LAMA2: variants seen among roughly 807,000 people sequenced by gnomAD.
The protein encoded by LAMA2 is laminin subunit alpha 2, also known as laminin subunit alpha-2.
LAMA2 carries 269 observed loss-of-function variants against 364.8 expected under a neutral mutation model. The ratio of observed to expected loss-of-function variants is 0.74; its 90% CI spans 0.67 to 0.82. The LOEUF (loss-of-function observed/expected upper bound fraction) is 0.82, where lower values mean the gene tolerates loss of function less well. Among genes scored for constraint, LAMA2 ranks in the 40% least tolerant of loss-of-function variants. The pLI, the probability that LAMA2 is intolerant of heterozygous loss-of-function variation, is 0.00. For synonymous variants in LAMA2, 1,379 were observed against 1,370.6 expected (o/e 1.01, Z -0.14); for missense variants, 3,807 against 3,873.2 (o/e 0.98, Z 0.45).
chr6:129,068,682 C>A (rs1773098792), intron 3 of LAMA2, among the ~76,000 whole-genome samples: 1 of 152,146 alleles, frequency 6.6e-6, no homozygotes, highest in South Asian at 2.1e-4. Flanking sequence ...AATTTTCTTC[C>A]AGTTCCTATG....
chr6:129,225,169 C>G (rs531432262), intron 12 of LAMA2, among the ~76,000 whole-genome samples: 9 of 152,192 alleles, frequency 5.9e-5, no homozygotes, highest in African/African-American at 1.9e-4. Context: ...TCTGTGGGAT[C>G]GGTGGTGATA....
At chr6:129,210,990 T>C (rs1310273351) in intron 12 of LAMA2, among the ~76,000 whole-genome samples, 3 of 152,168 alleles carry the variant, frequency 2.0e-5, no homozygotes, top group Admixed American at 1.3e-4. Context: ...ACCTACATTA[T>C]GTCCCCACGG....
intron 4 of LAMA2, among the ~76,000 whole-genome samples, chr6:129,104,240 T>G (rs189299295): frequency 6.6e-6 from 1 of 152,182 alleles, no homozygotes; most frequent in Admixed American, 6.5e-5. Context: ...TCAAGTGATC[T>G]TTCCACCTTA....
chr6:129,448,440 T>C (rs1432086006), intron 45 of LAMA2, among the ~76,000 whole-genome samples: 1 of 152,234 alleles, frequency 6.6e-6, no homozygotes, highest in African/African-American at 2.4e-5. Flanking sequence ...AATATGCAAG[T>C]AGCCAATTTT....
chr6:129,094,681 A>G (rs1775063149), intron 3 of LAMA2, among the ~76,000 whole-genome samples: 2 of 152,048 alleles, frequency 1.3e-5, no homozygotes, highest in Non-Finnish European at 2.9e-5. Flanking sequence ...TTTTTGTTTT[A>G]TATCTTTAAA....
intron 1 of LAMA2, among the ~76,000 whole-genome samples, chr6:128,917,734 C>CTTTTTTT (rs147581913): frequency 8.9e-6 from 1 of 111,762 alleles, no homozygotes; most frequent in African/African-American, 3.6e-5. Flanking sequence ...TTCTTTCTTT[C>CTTTTTTT]TTTTTTTTTT....
At chr6:129,366,563 C>G (rs935323014) in intron 33 of LAMA2, among the ~76,000 whole-genome samples, 17 of 152,086 alleles carry the variant, frequency 1.1e-4, no homozygotes, top group Non-Finnish European at 2.2e-4. Flanking sequence ...GGAAAAGAGT[C>G]TCATGTACCC....
At chr6:129,344,767 A>G (rs1583541089) in intron 30 of LAMA2, among the ~76,000 whole-genome samples, 1 of 152,186 alleles carries the variant, frequency 6.6e-6, no homozygotes, top group Non-Finnish European at 1.5e-5. Context: ...ACCAAGGGAG[A>G]GAAGAGCAGT....
At chr6:129,340,830 C>CAAAAAAAAAAA (rs34264921) in intron 29 of LAMA2, among the ~76,000 whole-genome samples, 1 of 59,584 alleles carries the variant, frequency 1.7e-5, no homozygotes, top group Non-Finnish European at 3.6e-5. Context: ...AGCTCTGTCT[C>CAAAAAAAAAAA]AAAAAAAAAA....
intron 35 of LAMA2, among the ~76,000 whole-genome samples, chr6:129,386,558 A>G (rs189174834): frequency 8.4e-4 from 128 of 152,276 alleles, no homozygotes; most frequent in African/African-American, 2.7e-3. Context: ...GGAAATAAAA[A>G]TTAAACTAGA....
chr6:129,401,461 C>T (rs1320227299), intron 38 of LAMA2, 121 bp downstream of exon 38: 5 of 742,364 alleles, frequency 6.7e-6, no homozygotes, highest in Non-Finnish European at 9.6e-6. Context: ...ATTATTTTTG[C>T]ATTATTCTAC....
At chr6:129,423,678 T>C (rs867682861) in intron 40 of LAMA2, among the ~76,000 whole-genome samples, 1 of 152,038 alleles carries the variant, frequency 6.6e-6, no homozygotes, top group Non-Finnish European at 1.5e-5. Flanking sequence ...ACGTTGGAAG[T>C]TGAAATTAAA....
At chr6:129,199,487 T>C (rs1486191504) in intron 12 of LAMA2, among the ~76,000 whole-genome samples, 3 of 152,156 alleles carry the variant, frequency 2.0e-5, no homozygotes, top group Admixed American at 6.5e-5. Flanking sequence ...CTAGAAGATG[T>C]GGACAGTGCA....
rs117865174 is a variant in LAMA2, at chr6:129,443,209, A to C, written c.6274+141A>C. 3.8e-3 allele frequency: 2,235 copies of C among 584,884 alleles called. 8 individuals carry two copies. Among genetic ancestry groups the C allele is most frequent in the Non-Finnish European group, 6.1e-3 (1,983 of 327,018 alleles). The allele number at this position is 584,884 out of a possible 1,614,324, so 36.2% of individuals were successfully genotyped here. ...TATTCTTTCCACTGTTACAGTATTA[A>C]TGGTAGATGCGTAAAAGGAATCTTC... On this transcript the variant is annotated intron_variant, in intron 44 of 64. Transcript: ENST00000421865.
intron 15 of LAMA2, among the ~76,000 whole-genome samples, chr6:129,261,227 C>T (rs1256324964): frequency 6.6e-6 from 1 of 151,736 alleles, no homozygotes; most frequent in Non-Finnish European, 1.5e-5. Flanking sequence ...CACTTTTCCT[C>T]TACTTCATTT....
At position 129,212,497 on chromosome 6, in the gene LAMA2, G is replaced by T. The variant is rs149315162; in HGVS notation, c.1782+19644G>T. Among the ~76,000 whole-genome samples, 39 of 152,206 alleles carry T rather than the reference G, an allele frequency of 2.6e-4. No individual in the cohort carries two copies. The South Asian group carries it at 3.9e-3, about 15-fold the overall frequency. ...CCATGGAATGGAATGTGGAAACTGA[G>T]ACCCTGAAAGATTAAGTCACTTGAA... On this transcript the variant is annotated intron_variant, in intron 12 of 64. Transcript: ENST00000421865.
intron 8 of LAMA2, among the ~76,000 whole-genome samples, chr6:129,156,869 T>C (rs1779145827): frequency 6.6e-6 from 1 of 152,104 alleles, no homozygotes; most frequent in East Asian, 1.9e-4. Context: ...GATTGGCGAA[T>C]CTTGGTCAGA....
At chr6:129,473,176 G>T in intron 51 of LAMA2, 38 bp from the exon 52 acceptor site, 1 of 1,508,502 alleles carries the variant, frequency 6.6e-7, no homozygotes, top group Non-Finnish European at 9.2e-7. Context: ...GGTTGATATT[G>T]CTCAAATAAA....
chr6:129,169,054 A>T (rs550975712), intron 9 of LAMA2, among the ~76,000 whole-genome samples: 1 of 152,038 alleles, frequency 6.6e-6, no homozygotes, highest in Non-Finnish European at 1.5e-5. Flanking sequence ...GCTTAAGGAG[A>T]TTTTGGACTG....
Sources: gnomAD v4.1 joint callset for allele counts (sites outside exome capture counted in the v4.1 genomes callset) on GRCh38, gnomAD v4.1.1 for gene constraint, MANE v1.5 for transcripts, NCBI Gene and HGNC (gene_info 2026-07-23, HGNC 2026-07-21) for gene names.